MEGF9: variants seen among roughly 807,000 people sequenced by gnomAD.
MEGF9 encodes multiple EGF like domains 9.
Under a neutral mutation model 46.8 loss-of-function variants are expected in MEGF9, and 6 were observed. The ratio of observed to expected loss-of-function variants is 0.13; its 90% confidence interval spans 0.07 to 0.25. The LOEUF (loss-of-function observed/expected upper bound fraction) is 0.25. Among genes scored for constraint, MEGF9 ranks in the 10% least tolerant of loss-of-function variants. The pLI, the probability that MEGF9 is intolerant of heterozygous loss-of-function variation, is 1.00. For synonymous variants in MEGF9, 302 were observed against 330.7 expected (o/e 0.91, Z 0.94); for missense variants, 683 against 792.4 (o/e 0.86, Z 1.66).
At chr9:120,658,748 C>G (rs754611190) in intron 2 of MEGF9, among the ~76,000 whole-genome samples, 7 of 152,180 alleles carry the variant, frequency 4.6e-5, no homozygotes, top group Admixed American at 1.3e-4. Flanking sequence ...ACTTTCAGTG[C>G]AGTACAAGGC....
Position 120,713,990 on chromosome 9 carries a change from C to G in MEGF9, c.369G>C (p.Ser123=). 1 of 1,382,340 alleles carries G rather than the reference C, an allele frequency of 7.2e-7. No homozygotes were observed. The highest frequency in any genetic ancestry group is 9.4e-7 in the Non-Finnish European group (1 of 1,062,808). The allele number at this position is 1,382,340 out of a possible 1,614,324, so 85.6% of individuals were successfully genotyped here. Residue 123 remains serine (S), a synonymous_variant, in exon 1 of 6, where the codon TCG becomes TCC. Coordinates refer to ENST00000373930, the MANE Select transcript of MEGF9 (RefSeq NM_001080497.3). The stretch of plus-strand genomic sequence containing the variant: ...GTTCCGCCGCCGGAGGGGTGGTCGG[C>G]GAGGGGCCGAGCGGCGCCTGAAAGG... The part of the protein sequence containing the change: ...STTFQAPLGP[S]PTTPPAAERT...
chr9:120,608,415 T>C (rs1330454976), intron 4 of MEGF9, among the ~76,000 whole-genome samples: 1 of 152,186 alleles, frequency 6.6e-6, no homozygotes, highest in African/African-American at 2.4e-5. Context: ...ATTGTGTTAT[T>C]CCCTTCTTTT....
intron 2 of MEGF9, among the ~76,000 whole-genome samples, chr9:120,655,767 A>T (rs1378071994): frequency 6.6e-6 from 1 of 152,234 alleles, no homozygotes; most frequent in Non-Finnish European, 1.5e-5. Flanking sequence ...TGAAAACATC[A>T]CTTCCTGAGC....
intron 1 of MEGF9, among the ~76,000 whole-genome samples, chr9:120,666,777 T>G (rs1476123573): frequency 6.6e-6 from 1 of 152,182 alleles, no homozygotes; most frequent in Non-Finnish European, 1.5e-5. Flanking sequence ...ATGGATACAC[T>G]ATGGTACATT....
Position 120,713,900 on chromosome 9 carries a change from G to GC in MEGF9, c.458dup (p.Ala155GlyfsTer51). 7.5e-7 allele frequency: 1 copy of GC among 1,334,122 alleles called. No individual in the cohort carries two copies. The allele number at this position is 1,334,122 out of a possible 1,614,324, so 82.6% of individuals were successfully genotyped here. A position where few individuals can be genotyped will look rare whatever the true frequency, so the allele number is the denominator to read the frequency against. On this transcript the variant is annotated frameshift_variant, in exon 1 of 6. Transcript: ENST00000373930. LOFTEE classifies it high-confidence loss of function. ...TCGCTACAGGGGTGGTCGGCGCCGGGCCAGTGGTCGTCGAAAGGGTGGTCG... is the reference window on the plus strand; with the variant it reads ...TCGCTACAGGGGTGGTCGGCGCCGGGCCCAGTGGTCGTCGAAAGGGTGGTCG...
At chr9:120,654,461 T>C (rs907720448) in intron 2 of MEGF9, among the ~76,000 whole-genome samples, 1 of 152,194 alleles carries the variant, frequency 6.6e-6, no homozygotes, top group African/African-American at 2.4e-5. Context: ...AGTGAGATCA[T>C]AGCTGTGGTA....
chr9:120,605,911 C>T lies in MEGF9; in HGVS notation c.1358-270G>A, dbSNP rs1042375666. Among the ~76,000 whole-genome samples the T allele has an allele frequency of 6.6e-6, 1 of 152,004 alleles. No homozygotes were observed. The highest frequency in any genetic ancestry group is 2.4e-5 in the African/African-American group (1 of 41,378). ...TCTTTGGGCCGGGCGTGGTGGCTCACACCTGTAATCCCAGCACTTTGGGCG... is the reference window on the plus strand; with the variant it reads ...TCTTTGGGCCGGGCGTGGTGGCTCATACCTGTAATCCCAGCACTTTGGGCG... On this transcript the variant is annotated intron_variant, in intron 5 of 5. Coordinates refer to ENST00000373930, the MANE Select transcript of MEGF9 (RefSeq NM_001080497.3). The surrounding 1 kb of genome is among the most constrained non-coding windows in gnomAD (Gnocchi z 4.0).
In MEGF9 at chr9:120,605,493, A is replaced by T; in HGVS notation, c.1506T>A (p.Thr502=). 1 of 1,614,006 alleles carries T rather than the reference A, an allele frequency of 6.2e-7. No homozygotes were observed. Among genetic ancestry groups the T allele is most frequent in the Non-Finnish European group, 8.5e-7 (1 of 1,179,868 alleles). Residue 502 remains threonine, a synonymous_variant, in exon 6 of 6, where the codon ACT becomes ACA. Transcript: ENST00000373930. This position sits in a 1 kb window ranked among gnomAD's most constrained non-coding sequence, Gnocchi z 4.0. ...IFSVSTSENS[T]SALADVSWTQ... is the part of the protein sequence containing the mutation. ...TCCATGATACATCAGCTAAAGCTGA[A>T]GTGCTGTTTTCAGAAGTGCTTACTG...
At chr9:120,612,587 C>A in intron 3 of MEGF9, 48 bp from the exon 4 acceptor site, 3 of 1,518,448 alleles carry the variant, frequency 2.0e-6, no homozygotes, top group Non-Finnish European at 2.7e-6. Context: ...ACCTTGAAAG[C>A]CAAGTAACTT....
At chr9:120,653,129 T>C (rs1327566773) in intron 2 of MEGF9, among the ~76,000 whole-genome samples, 3 of 152,204 alleles carry the variant, frequency 2.0e-5, no homozygotes, top group Non-Finnish European at 4.4e-5. Context: ...ACAGAGCTGT[T>C]TGCTCAGAGT....
chr9:120,695,939 C>T lies in MEGF9; in HGVS notation c.601+17819G>A, dbSNP rs546986252. The stretch of plus-strand genomic sequence containing the variant: ...ATTGAGGTTCCAACAATCAGATGCA[C>T]CTTTACCTGGCTTGGAATTAGAAAC... On this transcript the variant is annotated intron_variant, in intron 1 of 5. Transcript: ENST00000373930. Among the ~76,000 whole-genome samples the T allele has an allele frequency of 2.0e-5, 3 of 152,288 alleles. No individual in the cohort carries two copies. In the South Asian group the frequency reaches 6.2e-4, roughly 32 times the overall value.
chr9:120,683,520 C>G (rs929281801), intron 1 of MEGF9, among the ~76,000 whole-genome samples: 4 of 152,208 alleles, frequency 2.6e-5, no homozygotes, highest in African/African-American at 9.7e-5. Flanking sequence ...CTTGCTAGCT[C>G]TCTTTCCTGC....
Position 120,659,403 on chromosome 9 carries a change from T to C in MEGF9, c.774A>G (p.Pro258=). The change falls in exon 2 of 6, where the codon CCA becomes CCG. Residue 258 remains proline (P), a synonymous_variant. Coordinates refer to ENST00000373930, the MANE Select transcript of MEGF9 (RefSeq NM_001080497.3). The part of the protein sequence containing the change: ...SGLCQPCDCS[P]HGALSIPCNS... ...TGCACGGTATGCTGAGAGCTCCATG[T>C]GGACTACAGTCACATGGCTGACAGA... is the stretch of plus-strand genomic sequence containing the variant. The C allele has an allele frequency of 6.2e-7, 1 of 1,613,922 alleles. No homozygotes were observed. Among genetic ancestry groups the C allele is most frequent in the Non-Finnish European group, 8.5e-7 (1 of 1,179,860 alleles).
intron 4 of MEGF9, 92 bp downstream of exon 4, chr9:120,612,304 G>C: frequency 1.6e-6 from 2 of 1,241,558 alleles, no homozygotes; most frequent in Non-Finnish European, 2.2e-6. Context: ...TTCACCTATA[G>C]CATCCAGAAC....
intron 1 of MEGF9, among the ~76,000 whole-genome samples, chr9:120,689,046 T>A (rs771617366): frequency 6.6e-6 from 1 of 152,156 alleles, no homozygotes; most frequent in Non-Finnish European, 1.5e-5. Flanking sequence ...ACAGACGTGG[T>A]CATTGTTCTT....
intron 1 of MEGF9, among the ~76,000 whole-genome samples, chr9:120,662,300 C>T (rs566568902): frequency 6.6e-6 from 1 of 152,320 alleles, no homozygotes; most frequent in African/African-American, 2.4e-5. Context: ...TGAACCTTTG[C>T]TTATTCTGTA....
chr9:120,611,467 T>C (rs1474749120), intron 4 of MEGF9, among the ~76,000 whole-genome samples: 2 of 152,102 alleles, frequency 1.3e-5, no homozygotes, highest in Admixed American at 6.6e-5. Context: ...GAAAATACTA[T>C]GCTAAGTGAA....
intron 1 of MEGF9, among the ~76,000 whole-genome samples, chr9:120,702,163 G>T (rs915228359): frequency 6.6e-6 from 1 of 152,074 alleles, no homozygotes; most frequent in African/African-American, 2.4e-5. Context: ...TTGCCTAAAG[G>T]TACCAAATCT....
chr9:120,711,871 A>ACACACACACACACACCCC (rs145059704), intron 1 of MEGF9, among the ~76,000 whole-genome samples: 1 of 150,108 alleles, frequency 6.7e-6, no homozygotes, highest in African/African-American at 2.5e-5. Context: ...ACACACACAC[A>ACACACACACACACACCCC]CCCACAGGCC....
Sources: allele counts gnomAD v4.1 joint callset (sites outside exome capture counted in the v4.1 genomes callset), GRCh38; gene constraint gnomAD v4.1.1; non-coding constraint Gnocchi (gnomAD v3.1); transcripts MANE v1.5; gene names NCBI Gene and HGNC (gene_info 2026-07-23, HGNC 2026-07-21).